The following VAV3 variants were observed in gnomAD, a reference collection of about 807,000 sequenced individuals.
VAV3 encodes the protein guanine nucleotide exchange factor VAV3.
A neutral mutation model predicts 131.2 loss-of-function variants in VAV3; 94 were observed. The ratio of observed to expected loss-of-function variants is 0.72; its 90% confidence interval spans 0.61 to 0.85. The LOEUF (loss-of-function observed/expected upper bound fraction) is 0.85. VAV3 is among the 40% of genes least tolerant of loss of function. VAV3 has a pLI of 0.00. For synonymous variants in VAV3, 349 were observed against 342.0 expected, an observed-to-expected ratio of 1.02 and a Z score of -0.22; for missense variants, 939 against 1,002.7, an observed-to-expected ratio of 0.94 and a Z score of 0.86.
intron 25 of VAV3, among the ~76,000 whole-genome samples, chr1:107,587,419 GA>G (rs372841949): frequency 1.2e-4 from 19 of 152,186 alleles, no homozygotes; most frequent in African/African-American, 4.3e-4. Context: ...TTTTTAGGAA[GA>G]AAAACTGGGA....
rs1649666606 is a variant in VAV3, at chr1:107,576,581, A to G, written c.2351-2383T>C. The G allele has an allele frequency of 2.3e-5, 22 of 959,002 alleles. 1 individual carries two copies. In the South Asian group the frequency reaches 4.2e-4, roughly 18 times the overall value. The allele number at this position is 959,002 out of a possible 1,614,324, so 59.4% of individuals were successfully genotyped here. A position where few individuals can be genotyped will look rare whatever the true frequency, so the allele number is the denominator to read the frequency against. On this transcript the variant is annotated intron_variant, in intron 25 of 26. Transcript: ENST00000370056. Reference sequence around the variant, plus strand: ...CACTTCTTTCCTATCACCATTTCTAAATGAAGAACAAGCCAAACTTTTACA... The same window carrying G: ...CACTTCTTTCCTATCACCATTTCTAGATGAAGAACAAGCCAAACTTTTACA...
intron 6 of VAV3, among the ~76,000 whole-genome samples, chr1:107,770,351 A>G (rs564960805): frequency 1.6e-4 from 25 of 152,032 alleles, no homozygotes; most frequent in African/African-American, 5.5e-4. Context: ...ACCATCTGGC[A>G]TATTTATTTG....
intron 15 of VAV3, among the ~76,000 whole-genome samples, chr1:107,740,964 A>G (rs1662985829): frequency 6.6e-6 from 1 of 152,234 alleles, no homozygotes; most frequent in South Asian, 2.1e-4. Flanking sequence ...TTGTTGTCTC[A>G]ACAGAAACTT....
chr1:107,605,882 A>C (rs1252236760), intron 22 of VAV3, among the ~76,000 whole-genome samples: 2 of 152,234 alleles, frequency 1.3e-5, no homozygotes, highest in African/African-American at 4.8e-5. Flanking sequence ...AAGCATTTTG[A>C]ATAAGGGATA....
intron 2 of VAV3, among the ~76,000 whole-genome samples, chr1:107,861,820 C>G (rs1669753630): frequency 6.6e-6 from 1 of 151,646 alleles, no homozygotes; most frequent in African/African-American, 2.4e-5. Flanking sequence ...TTCCTCTACA[C>G]AGAAACAAAG....
At chr1:107,727,758 C>T (rs572181463) in intron 15 of VAV3, among the ~76,000 whole-genome samples, 1 of 152,082 alleles carries the variant, frequency 6.6e-6, no homozygotes, top group Non-Finnish European at 1.5e-5. Context: ...AGAGTCAATA[C>T]AAACCTAATA....
chr1:107,582,843 T>C (rs933688023), intron 25 of VAV3, among the ~76,000 whole-genome samples: 37 of 152,270 alleles, frequency 2.4e-4, no homozygotes, highest in African/African-American at 8.9e-4. Context: ...TCCAAGTCTT[T>C]GCTATTGTGA....
chr1:107,761,116 G>A (rs968304620), intron 9 of VAV3, among the ~76,000 whole-genome samples: 7 of 152,242 alleles, frequency 4.6e-5, no homozygotes, highest in African/African-American at 1.2e-4. Context: ...TTGGCCGGGC[G>A]CGGTGGCTCA....
At chr1:107,789,932 A>G (rs777360441) in intron 2 of VAV3, among the ~76,000 whole-genome samples, 3 of 152,176 alleles carry the variant, frequency 2.0e-5, no homozygotes, top group Non-Finnish European at 4.4e-5. Context: ...CTCAGTAGCC[A>G]CATGTGGTTA....
intron 15 of VAV3, among the ~76,000 whole-genome samples, chr1:107,713,000 C>G (rs760613565): frequency 3.3e-5 from 5 of 152,124 alleles, no homozygotes; most frequent in Non-Finnish European, 7.4e-5. Context: ...AAGTACATGT[C>G]CAGCTTTCTA....
At chr1:107,903,736 C>T (rs1226719408) in intron 1 of VAV3, among the ~76,000 whole-genome samples, 1 of 152,180 alleles carries the variant, frequency 6.6e-6, no homozygotes, top group Non-Finnish European at 1.5e-5. Flanking sequence ...CCTATCTTAA[C>T]ATTCCCCAGC....
chr1:107,665,915 A>G (rs1354707997), intron 19 of VAV3, among the ~76,000 whole-genome samples: 2 of 152,196 alleles, frequency 1.3e-5, no homozygotes, highest in African/African-American at 4.8e-5. Context: ...GGTGAAGGAT[A>G]TTATCTGTAA....
intron 1 of VAV3, among the ~76,000 whole-genome samples, chr1:107,912,217 A>T (rs1187053313): frequency 1.3e-5 from 2 of 152,246 alleles, no homozygotes; most frequent in Non-Finnish European, 2.9e-5. Flanking sequence ...ACAACTTCAA[A>T]GGCAGACTAA....
At chr1:107,683,215 T>C (rs951096873) in intron 19 of VAV3, among the ~76,000 whole-genome samples, 7 of 152,194 alleles carry the variant, frequency 4.6e-5, no homozygotes, top group African/African-American at 1.7e-4. Flanking sequence ...GGGTGCTGGA[T>C]ATGTGAGCAT....
intron 1 of VAV3, among the ~76,000 whole-genome samples, chr1:107,935,052 G>A (rs537675990): frequency 1.3e-5 from 2 of 152,208 alleles, no homozygotes; most frequent in African/African-American, 4.8e-5. Context: ...CGAACTGATG[G>A]GGCAAGTTTC....
intron 2 of VAV3, among the ~76,000 whole-genome samples, chr1:107,844,132 T>C (rs545408474): frequency 5.1e-4 from 77 of 151,916 alleles, no homozygotes; most frequent in African/African-American, 1.6e-3. Flanking sequence ...GCTCATTTCA[T>C]TGGGGCTGCT....
intron 19 of VAV3, chr1:107,669,118 G>A (rs540709389): frequency 9.2e-7 from 1 of 1,091,070 alleles, no homozygotes; most frequent in Non-Finnish European, 1.1e-6. Flanking sequence ...CTTTAAAATT[G>A]AAGACAGAAA....
intron 26 of VAV3, 127 bp from the exon 27 acceptor site, chr1:107,573,499 G>A: frequency 9.3e-7 from 1 of 1,079,906 alleles, no homozygotes; most frequent in East Asian, 2.6e-5. Context: ...CATTGTAGGT[G>A]AGAAGATTGG....
chr1:107,751,046 T>A, intron 13 of VAV3, 71 bp downstream of exon 13: 1 of 1,442,158 alleles, frequency 6.9e-7, no homozygotes, highest in Non-Finnish European at 9.5e-7. Context: ...ACTGGAAAAA[T>A]TGTCTTTAAG....
Sources: gnomAD v4.1 joint callset for allele counts (sites outside exome capture counted in the v4.1 genomes callset) on GRCh38, gnomAD v4.1.1 for gene constraint, MANE v1.5 for transcripts, NCBI Gene and HGNC (gene_info 2026-07-23, HGNC 2026-07-21) for gene names.